The following EXOC3L2 variants were observed in gnomAD, a reference collection of about 807,000 sequenced individuals.
EXOC3L2 encodes exocyst complex component 3-like protein 2.
Under a neutral mutation model 44.4 loss-of-function variants are expected in EXOC3L2, and 17 were observed. That is an observed-to-expected ratio of 0.38 (90% CI 0.26 to 0.57). The LOEUF (loss-of-function observed/expected upper bound fraction) is 0.57, where lower values mean the gene tolerates loss of function less well. EXOC3L2 is among the 20% of genes least tolerant of loss of function. The probability of loss-of-function intolerance (pLI) is 0.65; values close to 1 mark genes in which losing one functional copy is unlikely to be tolerated. For missense variants in EXOC3L2, 541 were observed against 588.4 expected, an observed-to-expected ratio of 0.92 and a Z score of 0.83; for synonymous variants, 256 against 253.7, an observed-to-expected ratio of 1.01 and a Z score of -0.09.
intron 1 of EXOC3L2, among the ~76,000 whole-genome samples, chr19:45,243,514 G>GC (rs1233700336): frequency 2.0e-5 from 3 of 152,070 alleles, no homozygotes; most frequent in Non-Finnish European, 4.4e-5. Flanking sequence ...GTCTCCATGG[G>GC]CCCCCGCCCC....
At chr19:45,220,943 G>C (rs1969889906) in intron 8 of EXOC3L2, among the ~76,000 whole-genome samples, 1 of 151,760 alleles carries the variant, frequency 6.6e-6, no homozygotes, top group Non-Finnish European at 1.5e-5. Context: ...GATGAAGTGA[G>C]TGACCACCAC....
chr19:45,233,002 G>A (rs903331404), intron 3 of EXOC3L2, among the ~76,000 whole-genome samples: 7 of 152,138 alleles, frequency 4.6e-5, no homozygotes, highest in African/African-American at 1.4e-4. Flanking sequence ...GATCACCTGA[G>A]GTTAGGAGTT....
chr19:45,230,469 C>T lies in EXOC3L2; in HGVS notation c.1269+1294G>A, dbSNP rs752349776. On this transcript the variant is annotated intron_variant, in intron 4 of 11. Transcript: ENST00000413988. ...TCCTGACCTCGTGATCCACCCGCCTCGGCCTCCCAAAGTGCTGGGATTACA... is the reference window on the plus strand; with the variant it reads ...TCCTGACCTCGTGATCCACCCGCCTTGGCCTCCCAAAGTGCTGGGATTACA... Among the ~76,000 whole-genome samples the T allele has an allele frequency of 6.6e-5, 10 of 152,106 alleles. No individual in the cohort carries two copies. In the South Asian group the frequency reaches 1.2e-3, roughly 19 times the overall value.
intron 1 of EXOC3L2, among the ~76,000 whole-genome samples, chr19:45,242,285 G>T (rs1970136987): frequency 6.6e-6 from 1 of 152,166 alleles, no homozygotes; most frequent in Non-Finnish European, 1.5e-5. Flanking sequence ...TGTCTTTAGA[G>T]ACAGGATCTC....
In EXOC3L2 at chr19:45,213,153, G is replaced by A. The variant is rs371153611; in HGVS notation, c.2325C>T (p.Pro775=). 15 of 1,590,944 alleles carry A rather than the reference G, an allele frequency of 9.4e-6. No homozygotes were observed. The highest frequency in any genetic ancestry group is 7.9e-5 in the South Asian group (7 of 88,838). The change falls in exon 12 of 12, where the codon CCC becomes CCT. Residue 775 remains proline (P), a synonymous_variant. Coordinates refer to ENST00000413988, the MANE Select transcript of EXOC3L2 (RefSeq NM_001382422.1). ...AACTGGGCCTGGCCAGCCGGGAGAG[G>A]GGGAGGCGGCCCAGGAAGAGAGGGA... The part of the protein sequence containing the change: ...LSLPLFLGRL[P]LSRLARPSLA...
chr19:45,227,906 T>G, intron 6 of EXOC3L2, 68 bp downstream of exon 6: 1 of 1,543,602 alleles, frequency 6.5e-7, no homozygotes. Flanking sequence ...CTCTCCTCTC[T>G]CTATTGGATC....
intron 8 of EXOC3L2, among the ~76,000 whole-genome samples, chr19:45,223,023 C>T (rs1969914707): frequency 6.6e-6 from 1 of 152,024 alleles, no homozygotes; most frequent in Admixed American, 6.6e-5. Context: ...GAGGCCAAGT[C>T]AGGAGGATCG....
intron 7 of EXOC3L2, among the ~76,000 whole-genome samples, chr19:45,226,941 G>A (rs754554743): frequency 1.1e-4 from 15 of 142,484 alleles, no homozygotes; most frequent in Non-Finnish European, 2.0e-4. Flanking sequence ...TCTTAGTAGA[G>A]ACAAGGTTTC....
chr19:45,238,803 C>A lies in EXOC3L2; in HGVS notation c.243G>T (p.Gly81=). 1 of 398,938 alleles carries A rather than the reference C, an allele frequency of 2.5e-6. No homozygotes were observed. The highest frequency in any genetic ancestry group is 4.4e-6 in the Non-Finnish European group (1 of 225,960). 24.7% of individuals were successfully genotyped at this position (398,938 alleles called of 1,614,324 possible). A position where few individuals can be genotyped will look rare whatever the true frequency, so the allele number is the denominator to read the frequency against. The stretch of plus-strand genomic sequence containing the variant: ...CCAAGAAAGAGCGGGGCTGCCCATC[C>A]CCAGGGCTGCCTGCCCGCCGGCCCG... ...WAPGRRAGSP[G]DGQPRSFLGR... is the part of the protein sequence containing the mutation. Residue 81 remains glycine, a synonymous_variant, in exon 2 of 12, where the codon GGG becomes GGT. Transcript: ENST00000413988. The surrounding 1 kb of genome is among the most constrained non-coding windows in gnomAD (Gnocchi z 5.5).
chr19:45,216,136 A>G lies in EXOC3L2; in HGVS notation c.2057T>C (p.Leu686Pro). 1 of 1,613,930 alleles carries G rather than the reference A, an allele frequency of 6.2e-7. No individual in the cohort carries two copies. Among genetic ancestry groups the G allele is most frequent in the Non-Finnish European group, 8.5e-7 (1 of 1,179,952 alleles). Reference sequence around the variant, plus strand: ...CACCTGGATGCTGGGCGTGTCTTCCAGCTGCATGACTTCAGCCAAATGGGG... The same window carrying G: ...CACCTGGATGCTGGGCGTGTCTTCCGGCTGCATGACTTCAGCCAAATGGGG... ...VVPHLAEVMQ[L>P]EDTPSIQVEV... The change falls in exon 11 of 12, where the codon CTG becomes CCG. Residue 686 changes from leucine to proline, a missense_variant. Leu to Pro is a moderately conservative substitution (Grantham distance 98). Coordinates refer to ENST00000413988, the MANE Select transcript of EXOC3L2 (RefSeq NM_001382422.1).
chr19:45,242,325 C>T (rs982161602), intron 1 of EXOC3L2, among the ~76,000 whole-genome samples: 5 of 152,084 alleles, frequency 3.3e-5, no homozygotes, highest in African/African-American at 9.7e-5. Context: ...AGTGCAGAGG[C>T]GTGATCATGG....
chr19:45,216,024 G>GAGAC, intron 11 of EXOC3L2, 49 bp downstream of exon 11: 1 of 1,605,290 alleles, frequency 6.2e-7, no homozygotes, highest in Non-Finnish European at 8.5e-7. Flanking sequence ...AGGCCGCCAG[G>GAGAC]AGACCTCGGC....
chr19:45,216,240 C>A, intron 10 of EXOC3L2, 46 bp from the exon 11 acceptor site: 1 of 1,598,394 alleles, frequency 6.3e-7, no homozygotes. Flanking sequence ...CAAGATTGAC[C>A]CTGCCAATTC....
chr19:45,224,598 C>CG (rs1465133724), intron 8 of EXOC3L2, among the ~76,000 whole-genome samples, 180 bp downstream of exon 8: 2 of 152,136 alleles, frequency 1.3e-5, no homozygotes, highest in Non-Finnish European at 2.9e-5. Flanking sequence ...TCTGTTATCC[C>CG]GGTGGGTGCA....
chr19:45,233,375 T>C (rs867933550), intron 3 of EXOC3L2, among the ~76,000 whole-genome samples: 16 of 152,162 alleles, frequency 1.1e-4, no homozygotes, highest in Middle Eastern at 3.2e-3. Flanking sequence ...AGTTCTAAGA[T>C]TGGAAACGTC....
rs1469427289 is a variant in EXOC3L2, at chr19:45,212,988, G to A, written c.*81C>T. On this transcript the variant is annotated 3_prime_UTR_variant, in exon 12 of 12. Coordinates refer to ENST00000413988, the MANE Select transcript of EXOC3L2 (RefSeq NM_001382422.1). Reference sequence around the variant, plus strand: ...CCCAGGGGTGTGTGGTCCCAGGCAGGGAGTCAGGAGGGGCGCCGTACGGGA... The same window carrying A: ...CCCAGGGGTGTGTGGTCCCAGGCAGAGAGTCAGGAGGGGCGCCGTACGGGA... 8.7e-6 allele frequency: 12 copies of A among 1,377,626 alleles called. No individual in the cohort carries two copies. Among genetic ancestry groups the A allele is most frequent in the Non-Finnish European group, 1.1e-5 (12 of 1,061,236 alleles). 85.3% of individuals were successfully genotyped at this position (1,377,626 alleles called of 1,614,324 possible).
In EXOC3L2 at chr19:45,231,932, AC is replaced by A. The variant is rs1466551600; in HGVS notation, c.1158-59del. On this transcript the variant is annotated intron_variant, in intron 3 of 11. Coordinates refer to ENST00000413988, the MANE Select transcript of EXOC3L2 (RefSeq NM_001382422.1). Reference sequence around the variant, plus strand: ...TGAAAAGTGGGGCTGGGCAGTTGGAACCTTCCCCACACCCTCCTACCCACTG... The same window carrying A: ...TGAAAAGTGGGGCTGGGCAGTTGGAACTTCCCCACACCCTCCTACCCACTG... 6.1e-6 allele frequency: 7 copies of A among 1,142,850 alleles called. No homozygotes were observed. In the Admixed American group the frequency reaches 6.4e-5, roughly 10 times the overall value. 70.8% of individuals were successfully genotyped at this position (1,142,850 alleles called of 1,614,324 possible). A position where few individuals can be genotyped will look rare whatever the true frequency, so the allele number is the denominator to read the frequency against.
In EXOC3L2 at chr19:45,234,412, G is replaced by T. The variant is rs1970061556; in HGVS notation, c.938C>A (p.Ala313Asp). 3.3e-6 allele frequency: 1 copy of T among 304,960 alleles called. No homozygotes were observed. The highest frequency in any genetic ancestry group is 5.1e-5 in the Admixed American group (1 of 19,460). The allele number at this position is 304,960 out of a possible 1,614,324, so 18.9% of individuals were successfully genotyped here. A position where few individuals can be genotyped will look rare whatever the true frequency, so the allele number is the denominator to read the frequency against. Residue 313 changes from alanine (A) to aspartate (D), a missense_variant, in exon 3 of 12, where the codon GCC (alanine) becomes GAC (aspartate). Ala to Asp is a moderately radical substitution (Grantham distance 126, BLOSUM62 -2). Coordinates refer to ENST00000413988, the MANE Select transcript of EXOC3L2 (RefSeq NM_001382422.1). The surrounding 1 kb of genome is among the most constrained non-coding windows in gnomAD (Gnocchi z 5.0). The part of the protein sequence containing the change: ...AAAPGAPGGL[A>D]GQLEALRARL... Reference sequence around the variant, plus strand: ...CGCCCGCAGCGCCTCCAGCTGCCCGGCCAGGCCCCCGGGCGCCCCGGGAGC... The same window carrying T: ...CGCCCGCAGCGCCTCCAGCTGCCCGTCCAGGCCCCCGGGCGCCCCGGGAGC...
At chr19:45,224,756 C>T (rs1471558229) in intron 8 of EXOC3L2, 22 bp downstream of exon 8, 1 of 1,545,630 alleles carries the variant, frequency 6.5e-7, no homozygotes, top group Admixed American at 2.0e-5. Context: ...GGGCCCCAAC[C>T]CTGGCCTCCC....
Sources: gnomAD v4.1 joint callset for allele counts (sites outside exome capture counted in the v4.1 genomes callset) on GRCh38, gnomAD v4.1.1 for gene constraint, Gnocchi (gnomAD v3.1) non-coding constraint, MANE v1.5 for transcripts, NCBI Gene and HGNC (gene_info 2026-07-23, HGNC 2026-07-21) for gene names.